DAB1: variants seen among roughly 807,000 people sequenced by gnomAD.
The protein encoded by DAB1 is DAB adaptor protein 1, also known as disabled homolog 1.
A neutral mutation model predicts 64.6 loss-of-function variants in DAB1; 15 were observed. The observed-to-expected ratio is 0.23, with a 90% CI of 0.16 to 0.36. The LOEUF (loss-of-function observed/expected upper bound fraction) is 0.36, where lower values mean the gene tolerates loss of function less well. DAB1 is among the 10% of genes least tolerant of loss of function. The pLI, the probability that DAB1 is intolerant of heterozygous loss-of-function variation, is 1.00. For synonymous variants in DAB1, 235 were observed against 251.9 expected (o/e 0.93, Z 0.64); for missense variants, 596 against 706.7 (o/e 0.84, Z 1.78).
chr1:58,131,458 C>T (rs1357765741), intron 5 of DAB1, among the ~76,000 whole-genome samples: 84 of 138,804 alleles, frequency 6.1e-4, no homozygotes, highest in Admixed American at 2.6e-3. Flanking sequence ...TCTCTCAGCT[C>T]GTCAAAGTCA....
rs1460735521 is a variant in DAB1, at chr1:58,518,291, A to G, written n.107+8970T>C. On this transcript the variant is annotated intron_variant and non_coding_transcript_variant, in intron 2 of 20. Coordinates refer to the DAB1 transcript ENST00000485760. ...GAGAGAGGAGAGGAGAAGAGAAGAGAAGAGAAGAGAAGAGAAGAGAAGAGA... is the reference window on the plus strand; with the variant it reads ...GAGAGAGGAGAGGAGAAGAGAAGAGGAGAGAAGAGAAGAGAAGAGAAGAGA... Among the ~76,000 whole-genome samples, 74 of 27,368 alleles carry G rather than the reference A, an allele frequency of 2.7e-3. 2 individuals carry two copies. Among genetic ancestry groups the G allele is most frequent in the Non-Finnish European group, 3.4e-3 (49 of 14,204 alleles). The allele number at this position is 27,368 out of a possible 152,430, so 18.0% of individuals were successfully genotyped here.
At chr1:58,315,401 C>G (rs1211045589) in intron 4 of DAB1, among the ~76,000 whole-genome samples, 2 of 152,202 alleles carry the variant, frequency 1.3e-5, no homozygotes, top group African/African-American at 4.8e-5. Flanking sequence ...AGACTCAGCC[C>G]ACTGCCAAGC....
chr1:57,067,030 G>A (rs922689581), intron 8 of DAB1, among the ~76,000 whole-genome samples: 3 of 151,790 alleles, frequency 2.0e-5, no homozygotes, highest in Non-Finnish European at 2.9e-5. Flanking sequence ...AAAATGAGGC[G>A]CCTAATAGCA....
chr1:58,014,890 G>C lies in DAB1; in HGVS notation n.388-130728C>G, dbSNP rs1646717015. On this transcript the variant is annotated intron_variant and non_coding_transcript_variant, in intron 5 of 20. Transcript: ENST00000485760. Reference sequence around the variant, plus strand: ...AGGAAACAAACAAAAGAAGAAGAAAGAGGGTACAAAGAAGGGGGAAACAGT... The same window carrying C: ...AGGAAACAAACAAAAGAAGAAGAAACAGGGTACAAAGAAGGGGGAAACAGT... Among the ~76,000 whole-genome samples the C allele has an allele frequency of 2.0e-5, 3 of 152,314 alleles. No individual in the cohort carries two copies. In the South Asian group the frequency reaches 6.2e-4, roughly 32 times the overall value.
intron 3 of DAB1, among the ~76,000 whole-genome samples, chr1:58,492,247 T>C (rs887726955): frequency 3.3e-5 from 5 of 151,974 alleles, no homozygotes; most frequent in Non-Finnish European, 5.9e-5. Context: ...CCAGAATCTC[T>C]GAGACACATT....
intron 3 of DAB1, among the ~76,000 whole-genome samples, chr1:58,470,579 A>C (rs2100329070): frequency 6.6e-6 from 1 of 152,304 alleles, no homozygotes; most frequent in East Asian, 1.9e-4. Flanking sequence ...CCTGGAGCAC[A>C]GATGTCTGAA....
At chr1:57,202,407 T>G (rs748726641) in intron 2 of DAB1, among the ~76,000 whole-genome samples, 12 of 152,178 alleles carry the variant, frequency 7.9e-5, no homozygotes, top group Non-Finnish European at 1.6e-4. Flanking sequence ...TCATAGCACA[T>G]TGGAATCTGG....
intron 6 of DAB1, among the ~76,000 whole-genome samples, chr1:57,683,402 ACC>A (rs976187274): frequency 1.3e-5 from 2 of 152,130 alleles, no homozygotes; most frequent in African/African-American, 2.4e-5. Context: ...CCCACCCTCC[ACC>A]ACACAGCACA....
At position 57,979,202 on chromosome 1, in the gene DAB1, G is replaced by T. The variant is rs556683136; in HGVS notation, n.388-95040C>A. ...TAATAGACTGGATAAAGAAAATGTG[G>T]CACATATACACCATGGAATACTATG... On this transcript the variant is annotated intron_variant and non_coding_transcript_variant, in intron 5 of 20. Coordinates refer to the DAB1 transcript ENST00000485760. Among the ~76,000 whole-genome samples, 4 of 152,318 alleles carry T rather than the reference G, an allele frequency of 2.6e-5. No individual in the cohort carries two copies. The South Asian group carries it at 8.3e-4, about 32-fold the overall frequency.
intron 2 of DAB1, among the ~76,000 whole-genome samples, chr1:57,258,865 A>T (rs1272141568): frequency 6.6e-6 from 1 of 152,034 alleles, no homozygotes; most frequent in African/African-American, 2.4e-5. Context: ...AGGCTTGGTG[A>T]GGAGGGTGAG....
intron 5 of DAB1, among the ~76,000 whole-genome samples, chr1:57,892,938 T>C (rs1022317613): frequency 1.3e-5 from 2 of 152,076 alleles, no homozygotes; most frequent in Non-Finnish European, 2.9e-5. Context: ...CCAACTTTAA[T>C]TAGCATCAGA....
At chr1:57,128,163 ATAAAT>A (rs1557770714) in intron 4 of DAB1, among the ~76,000 whole-genome samples, 6 of 103,688 alleles carry the variant, frequency 5.8e-5, no homozygotes, top group African/African-American at 3.0e-4. Flanking sequence ...AAATAAATAA[ATAAAT>A]AAATAAATAA....
intron 3 of DAB1, among the ~76,000 whole-genome samples, chr1:58,386,061 C>A (rs368180583): frequency 2.0e-5 from 3 of 152,266 alleles, no homozygotes; most frequent in Middle Eastern, 3.4e-3. Context: ...GTTTTCGTAT[C>A]ATTAAAATAA....
At chr1:57,905,793 A>G (rs1404204112) in intron 5 of DAB1, among the ~76,000 whole-genome samples, 1 of 152,194 alleles carries the variant, frequency 6.6e-6, no homozygotes, top group Non-Finnish European at 1.5e-5. Flanking sequence ...ATGAAAAGAC[A>G]GTGGCTAGGG....
intron 5 of DAB1, among the ~76,000 whole-genome samples, chr1:58,018,277 G>A (rs142388872): frequency 3.3e-5 from 5 of 151,832 alleles, no homozygotes; most frequent in African/African-American, 1.2e-4. Context: ...CTCTCATTTT[G>A]TCTTTCCTTC....
At chr1:57,430,467 C>G (rs1200215978) in intron 7 of DAB1, among the ~76,000 whole-genome samples, 1 of 151,904 alleles carries the variant, frequency 6.6e-6, no homozygotes, top group Non-Finnish European at 1.5e-5. Context: ...GCTCCGCCTC[C>G]CGGGTTCACG....
intron 5 of DAB1, among the ~76,000 whole-genome samples, chr1:58,118,455 G>A (rs1652481073): frequency 8.4e-5 from 4 of 47,750 alleles, no homozygotes; most frequent in African/African-American, 2.1e-4. Context: ...ATGATGCCAG[G>A]CACTATCCTA....
At chr1:57,763,495 T>C (rs562177438) in intron 6 of DAB1, among the ~76,000 whole-genome samples, 1 of 152,058 alleles carries the variant, frequency 6.6e-6, no homozygotes, top group South Asian at 2.1e-4. Flanking sequence ...CTGACAATAG[T>C]GAGACCCTGT....
chr1:58,359,247 A>G (rs893274130), intron 3 of DAB1, among the ~76,000 whole-genome samples: 4 of 152,196 alleles, frequency 2.6e-5, no homozygotes, highest in Non-Finnish European at 5.9e-5. Flanking sequence ...TCTTCTTCAT[A>G]TATGAAGAAA....
Sources: allele counts gnomAD v4.1 joint callset (sites outside exome capture counted in the v4.1 genomes callset), GRCh38; gene constraint gnomAD v4.1.1; transcripts MANE v1.5; gene names NCBI Gene and HGNC (gene_info 2026-07-23, HGNC 2026-07-21).